The following STK39 variants were observed in gnomAD, a reference collection of about 807,000 sequenced individuals.
STK39 encodes STE20/SPS1-related proline-alanine-rich protein kinase.
Under a neutral mutation model 77.8 loss-of-function variants are expected in STK39, and 20 were observed. That is an observed-to-expected ratio of 0.26 (90% CI 0.18 to 0.37). The LOEUF (loss-of-function observed/expected upper bound fraction) is 0.37. Among genes scored for constraint, STK39 ranks in the 10% least tolerant of loss-of-function variants. The probability of loss-of-function intolerance (pLI) is 1.00; values close to 1 mark genes in which losing one functional copy is unlikely to be tolerated. For missense variants in STK39, 479 were observed against 656.5 expected (o/e 0.73, Z 2.95); for synonymous variants, 246 against 234.1 (o/e 1.05, Z -0.47).
chr2:168,186,461 A>AT (rs1390323425), intron 1 of STK39, among the ~76,000 whole-genome samples: 1 of 152,206 alleles, frequency 6.6e-6, no homozygotes. Flanking sequence ...AAGCTTCCTG[A>AT]TTAAGTCAAC....
At chr2:168,156,029 C>G (rs1277616044) in intron 5 of STK39, among the ~76,000 whole-genome samples, 1 of 152,160 alleles carries the variant, frequency 6.6e-6, no homozygotes, top group Non-Finnish European at 1.5e-5. Context: ...TGGGAAGTAT[C>G]CAGTCTGAAG....
intron 1 of STK39, among the ~76,000 whole-genome samples, chr2:168,235,854 T>C (rs1321073566): frequency 1.3e-5 from 2 of 152,206 alleles, no homozygotes; most frequent in Non-Finnish European, 2.9e-5. Flanking sequence ...CAGTCTATCA[T>C]TGTTGGACAT....
chr2:168,060,419 C>A (rs776197189), intron 14 of STK39, among the ~76,000 whole-genome samples: 45 of 152,200 alleles, frequency 3.0e-4, no homozygotes, highest in Non-Finnish European at 4.6e-4. Context: ...CCCTCTCCAC[C>A]ATGTGAGGAC....
At chr2:167,988,656 A>G (rs1279394572) in intron 16 of STK39, among the ~76,000 whole-genome samples, 14 of 149,926 alleles carry the variant, frequency 9.3e-5, no homozygotes, top group Admixed American at 7.3e-4. Flanking sequence ...TTAATATGAG[A>G]AAAAAAAAAG....
chr2:168,133,642 G>A (rs767255077), intron 8 of STK39, among the ~76,000 whole-genome samples: 4 of 152,166 alleles, frequency 2.6e-5, no homozygotes, highest in African/African-American at 9.6e-5. Flanking sequence ...CAGATCACTT[G>A]AGGTCAGGAG....
intron 17 of STK39, among the ~76,000 whole-genome samples, chr2:167,961,595 C>T (rs978621734): frequency 6.6e-6 from 1 of 152,096 alleles, no homozygotes; most frequent in East Asian, 1.9e-4. Context: ...AAAAAAAATA[C>T]ATCAAACTCA....
At chr2:167,970,605 G>A (rs139578828) in intron 16 of STK39, among the ~76,000 whole-genome samples, 22 of 152,174 alleles carry the variant, frequency 1.4e-4, no homozygotes, top group Middle Eastern at 3.2e-3. Context: ...AATCCTATTC[G>A]TTTGCCCTGT....
At chr2:167,997,074 C>T (rs769072872) in intron 16 of STK39, among the ~76,000 whole-genome samples, 1 of 149,366 alleles carries the variant, frequency 6.7e-6, no homozygotes, top group Non-Finnish European at 1.5e-5. Flanking sequence ...TACACCCTTC[C>T]GAGTGTCTGT....
At chr2:168,177,698 A>T (rs1688988338) in intron 2 of STK39, among the ~76,000 whole-genome samples, 1 of 152,178 alleles carries the variant, frequency 6.6e-6, no homozygotes, top group Non-Finnish European at 1.5e-5. Flanking sequence ...CCAGGGTAGC[A>T]TCCCTAGCCT....
intron 1 of STK39, among the ~76,000 whole-genome samples, chr2:168,202,534 T>C (rs1053656851): frequency 1.3e-5 from 2 of 152,140 alleles, no homozygotes; most frequent in Non-Finnish European, 2.9e-5. Flanking sequence ...GAAAAAGTTT[T>C]ACTTCCACAT....
At chr2:168,034,133 C>T (rs892570599) in intron 14 of STK39, among the ~76,000 whole-genome samples, 2 of 152,160 alleles carry the variant, frequency 1.3e-5, no homozygotes, top group African/African-American at 4.8e-5. Flanking sequence ...ACATACATAA[C>T]AAGATTTGGG....
intron 16 of STK39, among the ~76,000 whole-genome samples, chr2:167,978,034 G>A (rs1008646387): frequency 1.1e-4 from 17 of 152,102 alleles, no homozygotes; most frequent in African/African-American, 3.6e-4. Flanking sequence ...TCCTGGGTGG[G>A]ATCGCAAAAC....
intron 16 of STK39, among the ~76,000 whole-genome samples, chr2:168,005,269 G>T (rs1480509030): frequency 6.6e-6 from 1 of 152,076 alleles, no homozygotes; most frequent in African/African-American, 2.4e-5. Context: ...GCCTCACAGA[G>T]TGCTAGGATT....
chr2:167,997,795 C>T (rs1021749528), intron 16 of STK39, among the ~76,000 whole-genome samples: 1 of 152,198 alleles, frequency 6.6e-6, no homozygotes, highest in Non-Finnish European at 1.5e-5. Context: ...TCATCCATAA[C>T]CAACCAATCT....
chr2:167,957,934 T>C (rs1447288374), intron 17 of STK39, among the ~76,000 whole-genome samples: 3 of 152,196 alleles, frequency 2.0e-5, no homozygotes, highest in Non-Finnish European at 2.9e-5. Context: ...CTCCCATAGC[T>C]ACACTGAAAT....
At chr2:168,176,882 GTAAT>G (rs1039554699) in intron 2 of STK39, among the ~76,000 whole-genome samples, 5 of 152,150 alleles carry the variant, frequency 3.3e-5, no homozygotes, top group African/African-American at 1.2e-4. Flanking sequence ...TGATTTGCTA[GTAAT>G]TAGTATTTTT....
chr2:168,065,274 T>C (rs755373778), intron 13 of STK39, 45 bp downstream of exon 13: 5 of 1,600,692 alleles, frequency 3.1e-6, no homozygotes, highest in Admixed American at 3.4e-5. Context: ...TTAAAGGATC[T>C]GTCTACAAAG....
chr2:168,192,977 T>C (rs964196504), intron 1 of STK39, among the ~76,000 whole-genome samples: 23 of 152,224 alleles, frequency 1.5e-4, no homozygotes, highest in Middle Eastern at 3.4e-3. Flanking sequence ...TGACAACTTT[T>C]ATATGGTAAT....
chr2:167,981,624 T>C (rs961174995), intron 16 of STK39, among the ~76,000 whole-genome samples: 3 of 152,232 alleles, frequency 2.0e-5, no homozygotes, highest in African/African-American at 7.2e-5. Flanking sequence ...TTGTGTTCAA[T>C]TTAACATTTG....
Sources: allele counts gnomAD v4.1 joint callset (sites outside exome capture counted in the v4.1 genomes callset), GRCh38; gene constraint gnomAD v4.1.1; transcripts MANE v1.5; gene names NCBI Gene and HGNC (gene_info 2026-07-23, HGNC 2026-07-21).